Variants in ZSWIM7 observed in about 807,000 individuals in gnomAD.
The protein encoded by ZSWIM7 is zinc finger SWIM-type containing 7.
ZSWIM7 carries 22 observed loss-of-function variants against 21.1 expected under a neutral mutation model. That is an observed-to-expected ratio of 1.04 (90% confidence interval 0.74 to 1.49). The LOEUF (loss-of-function observed/expected upper bound fraction) is 1.49. ZSWIM7 is among the 40% of genes most tolerant of loss of function. The pLI is 0.00. For missense variants in ZSWIM7, 193 were observed against 168.0 expected (o/e 1.15, Z -0.82); for synonymous variants, 67 against 66.5 (o/e 1.01, Z -0.04).
chr17:15,997,999 G>A (rs1361967902), intron 1 of ZSWIM7, among the ~76,000 whole-genome samples: 1 of 152,120 alleles, frequency 6.6e-6, no homozygotes, highest in Non-Finnish European at 1.5e-5. Context: ...TACTTGGGAG[G>A]CTGAGGCAGG....
intron 4 of ZSWIM7, among the ~76,000 whole-genome samples, chr17:15,979,133 CG>C (rs1224779856): frequency 6.6e-6 from 1 of 151,308 alleles, no homozygotes; most frequent in African/African-American, 2.4e-5. Flanking sequence ...GAGGACCCTG[CG>C]GCCTTCCGCA....
In ZSWIM7 at chr17:15,977,214, A is replaced by C. The variant is rs1351970945; in HGVS notation, c.*833T>G. The C allele has an allele frequency of 1.3e-5, 2 of 152,230 alleles. No homozygotes were observed. Among genetic ancestry groups the C allele is most frequent in the African/African-American group, 4.8e-5 (2 of 41,454 alleles). The allele number at this position is 152,230 out of a possible 1,614,324, so 9.4% of individuals were successfully genotyped here. On this transcript the variant is annotated 3_prime_UTR_variant, in exon 5 of 5. Transcript: ENST00000399277. ...CAAGCATCACAGATATTTGAAGCTTACAGAAACCAGAACCTCTAAGTCTTT... is the reference window on the plus strand; with the variant it reads ...CAAGCATCACAGATATTTGAAGCTTCCAGAAACCAGAACCTCTAAGTCTTT...
intron 3 of ZSWIM7, among the ~76,000 whole-genome samples, chr17:15,984,091 A>T (rs1970384677): frequency 6.6e-6 from 1 of 152,042 alleles, no homozygotes; most frequent in African/African-American, 2.4e-5. Flanking sequence ...CTGAATAAAC[A>T]GCTGGTGACT....
At chr17:15,997,167 AAAG>A (rs1460963422) in intron 1 of ZSWIM7, among the ~76,000 whole-genome samples, 1 of 151,976 alleles carries the variant, frequency 6.6e-6, no homozygotes, top group African/African-American at 2.4e-5. Flanking sequence ...AAAAAAAAAA[AAAG>A]AGGTAGTAAA....
chr17:15,991,155 C>T (rs971362046), intron 2 of ZSWIM7: 8 of 144,760 alleles, frequency 5.5e-5, no homozygotes, highest in African/African-American at 2.2e-4. Flanking sequence ...TTAATACCTA[C>T]TGTGAACATC....
At chr17:15,984,283 A>T (rs1970386253) in intron 3 of ZSWIM7, among the ~76,000 whole-genome samples, 1 of 152,244 alleles carries the variant, frequency 6.6e-6, no homozygotes, top group African/African-American at 2.4e-5. Flanking sequence ...AGTTAGAAAC[A>T]TTTAGAACTG....
chr17:15,997,450 G>A (rs1464006926), intron 1 of ZSWIM7, among the ~76,000 whole-genome samples: 5 of 152,120 alleles, frequency 3.3e-5, no homozygotes, highest in Non-Finnish European at 2.9e-5. Context: ...AACTAAATAA[G>A]CACATAAACA....
chr17:15,988,403 AAAT>A (rs1970441952), intron 2 of ZSWIM7, among the ~76,000 whole-genome samples: 1 of 152,158 alleles, frequency 6.6e-6, no homozygotes, highest in South Asian at 2.1e-4. Context: ...ATACTATTAT[AAAT>A]AATATTCAAT....
At chr17:15,981,246 C>T (rs1245852765) in intron 3 of ZSWIM7, 102 bp from the exon 4 acceptor site, 3 of 757,274 alleles carry the variant, frequency 4.0e-6, no homozygotes, top group Non-Finnish European at 6.6e-6. Context: ...GCAAATTGCA[C>T]CGAGAAGAAC....
intron 2 of ZSWIM7, among the ~76,000 whole-genome samples, chr17:15,989,554 G>A (rs984292110): frequency 6.6e-6 from 1 of 152,124 alleles, no homozygotes; most frequent in Non-Finnish European, 1.5e-5. Context: ...CTGACCTGAG[G>A]TGATCCCCCC....
At position 15,999,557 on chromosome 17, in the gene ZSWIM7, A is replaced by G. The variant is rs200271348; in HGVS notation, c.38T>C (p.Leu13Pro). The G allele has an allele frequency of 1.9e-6, 3 of 1,594,710 alleles. No homozygotes were observed. The East Asian group carries it at 6.8e-5, about 36-fold the overall frequency. ...VVLPAVVEEL[L>P]SEMAAAVQES... ...CTGCACCGCCGCCGCCATCTCGCTC[A>G]GGAGCTCCTCCACAACCGCCGGCAA... The change falls in exon 1 of 5, where the codon CTG (leucine) becomes CCG (proline). Residue 13 changes from leucine to proline, a missense_variant. Coordinates refer to ENST00000399277, the MANE Select transcript of ZSWIM7 (RefSeq NM_001042697.2).
At chr17:15,979,920 C>T (rs1359026460) in intron 4 of ZSWIM7, among the ~76,000 whole-genome samples, 2 of 78,596 alleles carry the variant, frequency 2.5e-5, no homozygotes, top group African/African-American at 1.6e-4. Context: ...GAACCCCCCA[C>T]CTCCCTCCCG....
rs1373951779 is a variant in ZSWIM7, at chr17:15,999,508, C to CG, written c.76+10dup. On this transcript the variant is annotated intron_variant, in intron 1 of 4. Transcript: ENST00000399277. ...CCCATGGCGCAGCCACACACGACCT[C>CG]GGTCCCGTACTTCGCGCGCTCTCCT... The CG allele has an allele frequency of 6.3e-7, 1 of 1,597,998 alleles. No homozygotes were observed. Among genetic ancestry groups the CG allele is most frequent in the Non-Finnish European group, 8.5e-7 (1 of 1,177,942 alleles).
chr17:15,990,175 G>A (rs1394541874), intron 2 of ZSWIM7, among the ~76,000 whole-genome samples: 31 of 144,366 alleles, frequency 2.1e-4, no homozygotes, highest in Admixed American at 5.7e-4. Context: ...AGCCGGGATC[G>A]CGCCACTGCA....
At chr17:15,998,373 T>C (rs1362961866) in intron 1 of ZSWIM7, among the ~76,000 whole-genome samples, 2 of 152,228 alleles carry the variant, frequency 1.3e-5, no homozygotes, top group African/African-American at 4.8e-5. Context: ...GAAACAAAGT[T>C]GGCTTATTTT....
chr17:15,985,090 G>C (rs950416675), intron 3 of ZSWIM7, among the ~76,000 whole-genome samples: 1 of 152,146 alleles, frequency 6.6e-6, no homozygotes, highest in Non-Finnish European at 1.5e-5. Flanking sequence ...GATCACCTGA[G>C]GTCAGGAGTT....
At chr17:15,978,682 GC>G (rs957891397) in intron 4 of ZSWIM7, among the ~76,000 whole-genome samples, 12 of 152,188 alleles carry the variant, frequency 7.9e-5, no homozygotes, top group African/African-American at 2.9e-4. Context: ...GACTTACTTT[GC>G]CTGCTGCTTT....
At chr17:15,993,380 A>G (rs1192625708) in intron 2 of ZSWIM7, among the ~76,000 whole-genome samples, 1 of 130,432 alleles carries the variant, frequency 7.7e-6, no homozygotes, top group East Asian at 2.0e-4. Context: ...TTATTTATTT[A>G]TTTTTGAGAC....
At chr17:15,992,439 C>CTTTT (rs11455913) in intron 2 of ZSWIM7, among the ~76,000 whole-genome samples, 12 of 121,992 alleles carry the variant, frequency 9.8e-5, no homozygotes, top group African/African-American at 3.5e-4. Flanking sequence ...AACAGCTACG[C>CTTTT]TTTTTTTTTT....
Sources: allele counts gnomAD v4.1 joint callset (sites outside exome capture counted in the v4.1 genomes callset), GRCh38; gene constraint gnomAD v4.1.1; transcripts MANE v1.5; gene names NCBI Gene and HGNC (gene_info 2026-07-23, HGNC 2026-07-21).